COL23A1: variants seen among roughly 807,000 people sequenced by gnomAD.
COL23A1 encodes the protein collagen type XXIII alpha 1 chain.
Under a neutral mutation model 99.3 loss-of-function variants are expected in COL23A1, and 97 were observed. That is an observed-to-expected ratio of 0.98 (90% CI 0.83 to 1.16). COL23A1 has a LOEUF of 1.16. Among genes scored for constraint, COL23A1 ranks in the 50% most tolerant of loss-of-function variants. COL23A1 has a pLI of 0.00. For synonymous variants in COL23A1, 320 were observed against 308.2 expected, an observed-to-expected ratio of 1.04 and a Z score of -0.40; for missense variants, 762 against 757.4, an observed-to-expected ratio of 1.01 and a Z score of -0.07.
At position 178,307,987 on chromosome 5, in the gene COL23A1, A is replaced by G. The variant is rs1581124840; in HGVS notation, c.362-1068T>C. 1.3e-5 allele frequency among the ~76,000 whole-genome samples: 2 copies of G among 152,012 alleles called. No individual in the cohort carries two copies. Among genetic ancestry groups the G allele is most frequent in the Non-Finnish European group, 2.9e-5 (2 of 68,012 alleles). On this transcript the variant is annotated intron_variant, in intron 2 of 28. Transcript: ENST00000390654. The surrounding 1 kb of genome is among the most constrained non-coding windows in gnomAD (Gnocchi z 4.2). ...TGGCCCCGATCGCGTCTGTGGCAGG[A>G]TGGAAAAATGAGTGTGGGTGTCTGT...
Position 178,318,472 on chromosome 5 carries a change from A to T in COL23A1, c.362-11553T>A, listed in dbSNP as rs550000615. On this transcript the variant is annotated intron_variant, in intron 2 of 28. Transcript: ENST00000390654. Reference sequence around the variant, plus strand: ...AGCAAAACCGATGGGAAGAGGGGAAAGCCCCTCAGCGTGCCTGAGACTACG... The same window carrying T: ...AGCAAAACCGATGGGAAGAGGGGAATGCCCCTCAGCGTGCCTGAGACTACG... Among the ~76,000 whole-genome samples, 150 of 152,300 alleles carry T rather than the reference A, an allele frequency of 9.8e-4. 2 individuals are homozygous for T. Among genetic ancestry groups the T allele is most frequent in the African/African-American group, 3.2e-3 (133 of 41,570 alleles).
At chr5:178,553,056 G>A (rs1762089693) in intron 2 of COL23A1, among the ~76,000 whole-genome samples, 1 of 151,734 alleles carries the variant, frequency 6.6e-6, no homozygotes, top group Non-Finnish European at 1.5e-5. Flanking sequence ...TGTGGTCCCA[G>A]CTATTATCCC....
At chr5:178,425,182 G>C (rs1765845585) in intron 2 of COL23A1, among the ~76,000 whole-genome samples, 1 of 152,186 alleles carries the variant, frequency 6.6e-6, no homozygotes. Context: ...CAGCACTTTG[G>C]GAGGCTGAGG....
At chr5:178,261,799 G>A in intron 10 of COL23A1, 51 bp from the exon 11 acceptor site, 1 of 1,455,222 alleles carries the variant, frequency 6.9e-7, no homozygotes, top group Non-Finnish European at 9.7e-7. Flanking sequence ...GGCTGCTCCT[G>A]GGCCTGTCCT....
At chr5:178,275,299 G>C (rs1756522047) in intron 5 of COL23A1, among the ~76,000 whole-genome samples, 1 of 152,216 alleles carries the variant, frequency 6.6e-6, no homozygotes, top group African/African-American at 2.4e-5. Flanking sequence ...CCTGGCCCTG[G>C]GGGACAGTGC....
intron 3 of COL23A1, among the ~76,000 whole-genome samples, chr5:178,300,362 G>A (rs1255994644): frequency 6.6e-6 from 1 of 151,910 alleles, no homozygotes; most frequent in African/African-American, 2.4e-5. Context: ...CACTGCACCC[G>A]GCCTCAATTT....
intron 11 of COL23A1, among the ~76,000 whole-genome samples, chr5:178,260,385 G>A (rs1436167180): frequency 6.6e-6 from 1 of 152,218 alleles, no homozygotes; most frequent in Non-Finnish European, 1.5e-5. Context: ...AAAAGACATG[G>A]ATGAAAGGTC....
chr5:178,358,934 A>T (rs1488206008), intron 2 of COL23A1, among the ~76,000 whole-genome samples: 2 of 152,238 alleles, frequency 1.3e-5, no homozygotes, highest in African/African-American at 2.4e-5. Context: ...CATCACCTTT[A>T]CATGACTGTA....
chr5:178,483,474 TCTC>T (rs776336055), intron 2 of COL23A1, among the ~76,000 whole-genome samples: 52 of 152,280 alleles, frequency 3.4e-4, no homozygotes, highest in Non-Finnish European at 5.1e-4. Flanking sequence ...ATCTTCCCCT[TCTC>T]CTGGCTTTCC....
rs150013493 is a variant in COL23A1, at chr5:178,416,089, C to CCATTCATT, written c.362-109178_362-109171dup. Among the ~76,000 whole-genome samples the CCATTCATT allele has an allele frequency of 2.6e-3, 395 of 152,206 alleles. 1 individual carries two copies. Among genetic ancestry groups the CCATTCATT allele is most frequent in the African/African-American group, 9.1e-3 (377 of 41,534 alleles). On this transcript the variant is annotated intron_variant, in intron 2 of 28. Coordinates refer to ENST00000390654, the MANE Select transcript of COL23A1 (RefSeq NM_173465.4). Reference sequence around the variant, plus strand: ...CCATTCTCACTGAGTCTAAACCCTCCCATTCATTCATTCATTCATTCATTC... The same window carrying CCATTCATT: ...CCATTCTCACTGAGTCTAAACCCTCCCATTCATTCATTCATTCATTCATTCATTCATTC...
chr5:178,416,837 G>C (rs1363504246), intron 2 of COL23A1, among the ~76,000 whole-genome samples: 1 of 150,540 alleles, frequency 6.6e-6, no homozygotes, highest in Non-Finnish European at 1.5e-5. Context: ...TTCTCAGATG[G>C]AGAGCATAGC....
At chr5:178,557,660 T>C (rs913120525) in intron 2 of COL23A1, among the ~76,000 whole-genome samples, 15 of 152,174 alleles carry the variant, frequency 9.9e-5, no homozygotes, top group Non-Finnish European at 1.9e-4. Context: ...CGGCCAGCTA[T>C]AATCAGACAG....
chr5:178,546,155 T>C lies in COL23A1; in HGVS notation c.361+14527A>G, dbSNP rs528427780. Among the ~76,000 whole-genome samples the C allele has an allele frequency of 6.9e-4, 105 of 152,102 alleles. 2 individuals carry two copies. In the South Asian group the frequency reaches 0.022, roughly 32 times the overall value. Reference sequence around the variant, plus strand: ...GGTCCCCACCTGGCCAGTAAGACTCTATCTCCCCTCCACCTCAAACAGAGC... The same window carrying C: ...GGTCCCCACCTGGCCAGTAAGACTCCATCTCCCCTCCACCTCAAACAGAGC... On this transcript the variant is annotated intron_variant, in intron 2 of 28. Transcript: ENST00000390654.
At position 178,450,463 on chromosome 5, in the gene COL23A1, G is replaced by A. The variant is rs371037803; in HGVS notation, c.361+110219C>T. On this transcript the variant is annotated intron_variant, in intron 2 of 28. Coordinates refer to ENST00000390654, the MANE Select transcript of COL23A1 (RefSeq NM_173465.4). ...AGGAGTAGGAGCTGGAGCAGCCAGC[G>A]GGGGCCAGGAGAGGACATCGCACGC... 4.7e-4 allele frequency among the ~76,000 whole-genome samples: 72 copies of A among 152,258 alleles called. 1 individual carries two copies. The East Asian group carries it at 0.011, about 23-fold the overall frequency.
At chr5:178,273,417 C>T (rs919495386) in intron 5 of COL23A1, among the ~76,000 whole-genome samples, 3 of 152,198 alleles carry the variant, frequency 2.0e-5, no homozygotes, top group Admixed American at 6.5e-5. Context: ...TGAGAAGCCC[C>T]GTCCGTGACA....
intron 2 of COL23A1, among the ~76,000 whole-genome samples, chr5:178,448,021 G>T (rs1561980732): frequency 6.6e-6 from 1 of 152,182 alleles, no homozygotes; most frequent in Non-Finnish European, 1.5e-5. Context: ...AATTCATATT[G>T]TTACCCCCAA....
At chr5:178,399,407 GCCCAGT>G (rs1764317400) in intron 2 of COL23A1, among the ~76,000 whole-genome samples, 2 of 152,234 alleles carry the variant, frequency 1.3e-5, no homozygotes, top group Admixed American at 1.3e-4. Context: ...GCTGAAGCTA[GCCCAGT>G]CCAACACTTT....
chr5:178,299,890 A>G (rs1221202367), intron 3 of COL23A1, among the ~76,000 whole-genome samples: 1 of 151,300 alleles, frequency 6.6e-6, no homozygotes, highest in Non-Finnish European at 1.5e-5. Flanking sequence ...AGTAGCTGGG[A>G]TTACAGGCGC....
chr5:178,268,831 C>A, intron 6 of COL23A1, 75 bp from the exon 7 acceptor site: 2 of 1,483,020 alleles, frequency 1.3e-6, no homozygotes. Context: ...CTTCCCTATA[C>A]CTCTGAGGGC....
Sources: allele counts gnomAD v4.1 joint callset (sites outside exome capture counted in the v4.1 genomes callset), GRCh38; gene constraint gnomAD v4.1.1; non-coding constraint Gnocchi (gnomAD v3.1); transcripts MANE v1.5; gene names NCBI Gene and HGNC (gene_info 2026-07-23, HGNC 2026-07-21).